Variants in TCF7L2 observed in about 807,000 individuals in gnomAD.
TCF7L2 encodes the protein transcription factor 7-like 2.
TCF7L2 carries 23 observed loss-of-function variants against 77.9 expected under a neutral mutation model. The ratio of observed to expected loss-of-function variants is 0.30; its 90% CI spans 0.21 to 0.42. TCF7L2 has a LOEUF of 0.42. TCF7L2 is among the 10% of genes least tolerant of loss of function. TCF7L2 has a pLI of 1.00. For synonymous variants in TCF7L2, 413 were observed against 340.2 expected (o/e 1.21, Z -2.36); for missense variants, 654 against 793.1 (o/e 0.82, Z 2.11).
chr10:113,102,353 G>A (rs1170128227), intron 5 of TCF7L2, among the ~76,000 whole-genome samples: 1 of 151,492 alleles, frequency 6.6e-6, no homozygotes, highest in East Asian at 1.9e-4. Flanking sequence ...AGATTTGAAT[G>A]AATTACAGTA....
At chr10:113,054,995 A>T (rs2055134671) in intron 5 of TCF7L2, among the ~76,000 whole-genome samples, 1 of 152,120 alleles carries the variant, frequency 6.6e-6, no homozygotes. Context: ...CATATACTAC[A>T]GCTTTCTATT....
chr10:113,021,146 A>G (rs927604478), intron 4 of TCF7L2, among the ~76,000 whole-genome samples: 3 of 152,156 alleles, frequency 2.0e-5, no homozygotes, highest in African/African-American at 7.2e-5. Flanking sequence ...TGAGACAAAC[A>G]TGTTTCCTGC....
Position 113,151,104 on chromosome 10 carries a change from G to A in TCF7L2, c.982G>A (p.Val328Ile), listed in dbSNP as rs1190238895. The A allele has an allele frequency of 3.1e-6, 5 of 1,614,122 alleles. No homozygotes were observed. Among genetic ancestry groups the A allele is most frequent in the Non-Finnish European group, 3.4e-6 (4 of 1,180,024 alleles). ...CAAACAGGAATCGTCCCAGAGTGATGTCGGCTCACTCCATAGTTCGTAAGT... is the reference window on the plus strand; with the variant it reads ...CAAACAGGAATCGTCCCAGAGTGATATCGGCTCACTCCATAGTTCGTAAGT... Residue 328 changes from valine (V) to isoleucine (I), a missense_variant, in exon 9 of 14, where the codon GTC becomes ATC. Transcript: ENST00000627217. The surrounding 1 kb of genome is among the most constrained non-coding windows in gnomAD (Gnocchi z 5.2).
rs569073162 is a variant in TCF7L2, at chr10:113,134,287, G to T, written c.553-6897G>T. On this transcript the variant is annotated intron_variant, in intron 5 of 13. Transcript: ENST00000627217. ...CACCCATTTGGGGCCACGGGAGGAAGTCATGACTGCTGTTTTTATTCTGTG... is the reference window on the plus strand; with the variant it reads ...CACCCATTTGGGGCCACGGGAGGAATTCATGACTGCTGTTTTTATTCTGTG... Among the ~76,000 whole-genome samples, 11 of 152,358 alleles carry T rather than the reference G, an allele frequency of 7.2e-5. No individual in the cohort carries two copies. The East Asian group carries it at 1.9e-3, about 27-fold the overall frequency.
chr10:113,062,000 T>C (rs1450114359), intron 5 of TCF7L2, among the ~76,000 whole-genome samples: 2 of 152,214 alleles, frequency 1.3e-5, no homozygotes, highest in Non-Finnish European at 2.9e-5. Flanking sequence ...TATTTTGTTA[T>C]TAACAAAAGG....
Position 113,152,187 on chromosome 10 carries a change from A to C in TCF7L2, c.1162-146A>C. 6 of 822,230 alleles carry C rather than the reference A, an allele frequency of 7.3e-6. No homozygotes were observed. The Admixed American group carries it at 1.1e-4, about 16-fold the overall frequency. 50.9% of individuals were successfully genotyped at this position (822,230 alleles called of 1,614,324 possible). A position where few individuals can be genotyped will look rare whatever the true frequency, so the allele number is the denominator to read the frequency against. The stretch of plus-strand genomic sequence containing the variant: ...TAGTGCCAGGACCCAGCCGACGGTC[A>C]GTATGTACAGATTATACCATTTCTG... On this transcript the variant is annotated intron_variant, in intron 10 of 13. Coordinates refer to ENST00000627217, the MANE Select transcript of TCF7L2 (RefSeq NM_001146274.2).
intron 5 of TCF7L2, among the ~76,000 whole-genome samples, chr10:113,139,501 C>T (rs2067959140): frequency 6.6e-6 from 1 of 152,210 alleles, no homozygotes. Context: ...AAAGCTCCAT[C>T]TGCTTTGGTG....
chr10:113,065,468 CT>C (rs1198276331), intron 5 of TCF7L2, among the ~76,000 whole-genome samples: 1 of 152,226 alleles, frequency 6.6e-6, no homozygotes, highest in Non-Finnish European at 1.5e-5. Flanking sequence ...GTAATTCCTG[CT>C]TCCAAACTCA....
intron 3 of TCF7L2, among the ~76,000 whole-genome samples, chr10:112,962,178 A>G (rs1467588123): frequency 6.6e-6 from 1 of 152,180 alleles, no homozygotes; most frequent in Non-Finnish European, 1.5e-5. Context: ...CTTAGTTATC[A>G]GGTGTCCACT....
chr10:113,010,467 A>G (rs775075823), intron 4 of TCF7L2, among the ~76,000 whole-genome samples: 3 of 152,172 alleles, frequency 2.0e-5, no homozygotes, highest in Non-Finnish European at 4.4e-5. Context: ...TCTGAGTCCT[A>G]TGCGTTCTGT....
intron 5 of TCF7L2, among the ~76,000 whole-genome samples, chr10:113,070,882 T>G (rs1230772203): frequency 1.3e-5 from 2 of 152,172 alleles, no homozygotes; most frequent in African/African-American, 4.8e-5. Flanking sequence ...ACAGTCAATT[T>G]TAGAACATTT....
intron 5 of TCF7L2, among the ~76,000 whole-genome samples, chr10:113,073,129 T>TGTGTGA (rs56927661): frequency 1.7e-4 from 21 of 123,582 alleles, no homozygotes; most frequent in African/African-American, 6.1e-4. Context: ...TGTGTGTGTG[T>TGTGTGA]GAGAGAGAGA....
chr10:113,080,803 G>A (rs2059249655), intron 5 of TCF7L2, among the ~76,000 whole-genome samples: 1 of 152,096 alleles, frequency 6.6e-6, no homozygotes, highest in South Asian at 2.1e-4. Context: ...TTCAGTTATT[G>A]CATCATGAAG....
intron 13 of TCF7L2, among the ~76,000 whole-genome samples, chr10:113,164,498 A>G (rs1323298961): frequency 1.3e-5 from 2 of 151,766 alleles, no homozygotes; most frequent in Non-Finnish European, 2.9e-5. Context: ...GCCTTGGCAT[A>G]TTGACAAGAG....
intron 2 of TCF7L2, 81 bp downstream of exon 2, chr10:112,951,354 G>T: frequency 1.0e-6 from 1 of 979,828 alleles, no homozygotes; most frequent in South Asian, 4.6e-5. Flanking sequence ...CCCCGCGCCC[G>T]GCTCGGCCTG....
In TCF7L2 at chr10:113,167,043, C is replaced by T. The variant is rs187178316; in HGVS notation, c.*1071C>T. On this transcript the variant is annotated 3_prime_UTR_variant, in exon 14 of 14. Transcript: ENST00000627217. ...ATGCCCTACCCTGCGCCCTTAGGAC[C>T]CGGACTGACCGTGTACAAAACTTTA... 210 of 231,402 alleles carry T rather than the reference C, an allele frequency of 9.1e-4. 1 individual carries two copies. Among genetic ancestry groups the T allele is most frequent in the Admixed American group, 1.4e-3 (25 of 17,712 alleles). The allele number at this position is 231,402 out of a possible 1,614,324, so 14.3% of individuals were successfully genotyped here. A position where few individuals can be genotyped will look rare whatever the true frequency, so the allele number is the denominator to read the frequency against.
rs1458399213 is a variant in TCF7L2, at chr10:112,964,549, T to C, written c.382-7T>C. On this transcript the variant is annotated splice_region_variant and splice_polypyrimidine_tract_variant and intron_variant, in intron 3 of 13. Transcript: ENST00000627217. ...GCAGAACGCTTTGATTTGGTTTCTT[T>C]CTACAGCTCCATTTTCAGTCCGGCA... The C allele has an allele frequency of 1.2e-6, 2 of 1,613,124 alleles. No individual in the cohort carries two copies. Among genetic ancestry groups the C allele is most frequent in the African/African-American group, 2.7e-5 (2 of 74,902 alleles).
intron 4 of TCF7L2, among the ~76,000 whole-genome samples, chr10:113,002,983 C>A (rs1433504166): frequency 3.3e-5 from 5 of 151,628 alleles, no homozygotes; most frequent in Non-Finnish European, 7.4e-5. Flanking sequence ...TGTATGCACA[C>A]AAAAATAAAA....
chr10:113,155,042 T>C (rs2071577067), intron 11 of TCF7L2, among the ~76,000 whole-genome samples: 1 of 152,116 alleles, frequency 6.6e-6, no homozygotes, highest in Non-Finnish European at 1.5e-5. Context: ...ACTTTGGTCA[T>C]TGTAAACTCC....
Sources: gnomAD v4.1 joint callset for allele counts (sites outside exome capture counted in the v4.1 genomes callset) on GRCh38, gnomAD v4.1.1 for gene constraint, Gnocchi (gnomAD v3.1) non-coding constraint, MANE v1.5 for transcripts, NCBI Gene and HGNC (gene_info 2026-07-23, HGNC 2026-07-21) for gene names.